RBFOX1: variants seen among roughly 807,000 people sequenced by gnomAD.
RBFOX1 encodes RNA binding fox-1 homolog 1, also known as RNA binding protein fox-1 homolog 1.
RBFOX1 carries 8 observed loss-of-function variants against 57.7 expected under a neutral mutation model. That is an observed-to-expected ratio of 0.14 (90% confidence interval 0.08 to 0.25). RBFOX1 has a LOEUF of 0.25. RBFOX1 is among the 10% of genes least tolerant of loss of function. RBFOX1 has a pLI of 1.00. For synonymous variants in RBFOX1, 326 were observed against 222.4 expected (o/e 1.47, Z -4.15); for missense variants, 611 against 548.5 (o/e 1.11, Z -1.14).
chr16:7,431,525 C>G (rs1000629172), intron 4 of RBFOX1, among the ~76,000 whole-genome samples: 1 of 152,146 alleles, frequency 6.6e-6, no homozygotes, highest in Non-Finnish European at 1.5e-5. Flanking sequence ...TGGGCGTGAG[C>G]CACCGCGCCA....
intron 4 of RBFOX1, among the ~76,000 whole-genome samples, chr16:7,517,588 C>T (rs531501652): frequency 5.9e-4 from 90 of 151,412 alleles, no homozygotes; most frequent in African/African-American, 1.8e-3. Context: ...TAACACACAA[C>T]CACACAGACA....
At chr16:6,164,430 G>A (rs2096901051) in intron 1 of RBFOX1, among the ~76,000 whole-genome samples, 1 of 150,732 alleles carries the variant, frequency 6.6e-6, no homozygotes, top group Non-Finnish European at 1.5e-5. Context: ...AGTTAGAAGT[G>A]ATGTTTTCCA....
chr16:5,415,943 T>A (rs909807026), intron 1 of RBFOX1, among the ~76,000 whole-genome samples: 2 of 152,154 alleles, frequency 1.3e-5, no homozygotes, highest in African/African-American at 4.8e-5. Flanking sequence ...CCTCTGCATG[T>A]GTGTGGACTC....
At chr16:5,324,544 C>T (rs909165891) in intron 1 of RBFOX1, among the ~76,000 whole-genome samples, 1 of 152,168 alleles carries the variant, frequency 6.6e-6, no homozygotes, top group East Asian at 1.9e-4. Flanking sequence ...ATAGCAAAGA[C>T]ATGGAATCAA....
rs570651380 is a variant in RBFOX1 at position 7,310,107 on chromosome 16, A to G, written c.28-208040A>G. On this transcript the variant is annotated intron_variant, in intron 4 of 15. Coordinates refer to ENST00000550418, the MANE Select transcript of RBFOX1 (RefSeq NM_018723.4). ...TCAGATAGGGTCAGCTCTCAGGCACAATGGCCCAGAAGAGCCCTGGCCCTG... is the reference window on the plus strand; with the variant it reads ...TCAGATAGGGTCAGCTCTCAGGCACGATGGCCCAGAAGAGCCCTGGCCCTG... Among the ~76,000 whole-genome samples the G allele has an allele frequency of 4.6e-3, 699 of 152,314 alleles. 2 individuals carry two copies. Among genetic ancestry groups the G allele is most frequent in the African/African-American group, 0.016 (656 of 41,550 alleles).
intron 1 of RBFOX1, among the ~76,000 whole-genome samples, chr16:6,279,403 G>C (rs78794723): frequency 6.6e-6 from 1 of 152,258 alleles, no homozygotes; most frequent in Non-Finnish European, 1.5e-5. Context: ...AGCATGAGAC[G>C]TTAAATGAGT....
intron 4 of RBFOX1, among the ~76,000 whole-genome samples, chr16:7,385,251 T>A (rs540473838): frequency 6.6e-6 from 1 of 152,208 alleles, no homozygotes. Flanking sequence ...CATAGACCAG[T>A]GGGGCCCAGG....
chr16:6,721,009 A>T (rs1036870317), intron 3 of RBFOX1, among the ~76,000 whole-genome samples: 2 of 152,194 alleles, frequency 1.3e-5, no homozygotes, highest in African/African-American at 4.8e-5. Context: ...TGAGGTCACG[A>T]ATATGCAGCT....
rs138309853 is a variant in RBFOX1 at position 6,944,679 on chromosome 16, G to A, written c.-15-107378G>A. Among the ~76,000 whole-genome samples, 460 of 152,270 alleles carry A rather than the reference G, an allele frequency of 3.0e-3. 3 individuals carry two copies. The highest frequency in any genetic ancestry group is 5.6e-3 in the Non-Finnish European group (384 of 68,016). The stretch of plus-strand genomic sequence containing the variant: ...CAGCCTAGAAAGTGCAGGAACCTGG[G>A]CTGATTTCATGGTTCAGTACATGGT... On this transcript the variant is annotated intron_variant, in intron 3 of 15. Coordinates refer to ENST00000550418, the MANE Select transcript of RBFOX1 (RefSeq NM_018723.4).
intron 4 of RBFOX1, among the ~76,000 whole-genome samples, chr16:7,502,700 G>C (rs1015757614): frequency 1.3e-5 from 2 of 152,142 alleles, no homozygotes; most frequent in Non-Finnish European, 2.9e-5. Flanking sequence ...ATGATGGGTA[G>C]AAAACTTTAT....
chr16:6,766,987 C>T (rs922044161), intron 3 of RBFOX1, among the ~76,000 whole-genome samples: 2 of 152,130 alleles, frequency 1.3e-5, no homozygotes, highest in Non-Finnish European at 2.9e-5. Context: ...GAAGGAACAA[C>T]CTTCCAGCTC....
chr16:6,866,497 CT>C (rs199784403), intron 3 of RBFOX1, among the ~76,000 whole-genome samples: 1 of 129,116 alleles, frequency 7.7e-6, no homozygotes, highest in Admixed American at 7.8e-5. Context: ...TCACAAAGGA[CT>C]TTTTTTAAAA....
At chr16:6,118,888 C>T (rs2096527312) in intron 1 of RBFOX1, among the ~76,000 whole-genome samples, 1 of 151,910 alleles carries the variant, frequency 6.6e-6, no homozygotes, top group Non-Finnish European at 1.5e-5. Context: ...GTCCCATGAC[C>T]TAATCATCTC....
intron 4 of RBFOX1, among the ~76,000 whole-genome samples, chr16:7,362,446 C>T (rs955489329): frequency 3.4e-5 from 5 of 148,424 alleles, no homozygotes; most frequent in South Asian, 2.2e-4. Context: ...TCTGCGTGTA[C>T]GTAGTATATA....
At chr16:6,650,659 C>G (rs1011765536) in intron 2 of RBFOX1, among the ~76,000 whole-genome samples, 2 of 152,172 alleles carry the variant, frequency 1.3e-5, no homozygotes, top group African/African-American at 4.8e-5. Flanking sequence ...ACAGTCTGTT[C>G]TACATAAAAC....
chr16:6,957,612 A>G (rs150680244), intron 3 of RBFOX1, among the ~76,000 whole-genome samples: 184 of 152,126 alleles, frequency 1.2e-3, no homozygotes, highest in African/African-American at 4.2e-3. Context: ...AACCTGTTTT[A>G]TCAGCAAGGT....
chr16:7,025,233 G>A (rs1003156282), intron 3 of RBFOX1, among the ~76,000 whole-genome samples: 4 of 152,052 alleles, frequency 2.6e-5, no homozygotes. Flanking sequence ...CCCCTTTTTA[G>A]ACCATATAGG....
At chr16:7,518,717 T>C (rs1302260420) in intron 5 of RBFOX1, among the ~76,000 whole-genome samples, 1 of 152,178 alleles carries the variant, frequency 6.6e-6, no homozygotes, top group Non-Finnish European at 1.5e-5. Flanking sequence ...TGATGTAAGA[T>C]AATTTTTCTT....
intron 4 of RBFOX1, among the ~76,000 whole-genome samples, chr16:7,310,738 C>G (rs1452431228): frequency 6.6e-6 from 1 of 152,188 alleles, no homozygotes; most frequent in African/African-American, 2.4e-5. Context: ...TGTGATCACA[C>G]TTTCCCAGCA....
Sources: gnomAD v4.1 joint callset for allele counts (sites outside exome capture counted in the v4.1 genomes callset) on GRCh38, gnomAD v4.1.1 for gene constraint, MANE v1.5 for transcripts, NCBI Gene and HGNC (gene_info 2026-07-23, HGNC 2026-07-21) for gene names.